TOGARAM2: variants seen among roughly 807,000 people sequenced by gnomAD.
TOGARAM2 encodes TOG array regulator of axonemal microtubules protein 2.
A neutral mutation model predicts 93.3 loss-of-function variants in TOGARAM2; 85 were observed. The observed-to-expected ratio is 0.91, with a 90% CI of 0.76 to 1.09. The LOEUF (loss-of-function observed/expected upper bound fraction) is 1.09, where lower values mean the gene tolerates loss of function less well. Ranked by LOEUF, TOGARAM2 falls within the 50% of genes least tolerant of loss-of-function variation. The probability of loss-of-function intolerance (pLI) is 0.00; values close to 1 mark genes in which losing one functional copy is unlikely to be tolerated. For missense variants in TOGARAM2, 1,277 were observed against 1,334.5 expected (o/e 0.96, Z 0.67); for synonymous variants, 593 against 552.8 (o/e 1.07, Z -1.02).
rs1023074141 is a variant in TOGARAM2, at chr2:29,035,799, G to T, written c.2418+143G>T. 1.1e-5 allele frequency: 9 copies of T among 789,996 alleles called. No individual in the cohort carries two copies. In the South Asian group the frequency reaches 3.2e-4, roughly 28 times the overall value. 48.9% of individuals were successfully genotyped at this position (789,996 alleles called of 1,614,324 possible). ...TTTGTAACATGGAGACTACCTGGAA[G>T]TGGCTGAGTGGGCAAGGGCACCGCC... is the stretch of plus-strand genomic sequence containing the variant. On this transcript the variant is annotated intron_variant, in intron 17 of 19. Transcript: ENST00000379558.
intron 18 of TOGARAM2, among the ~76,000 whole-genome samples, chr2:29,045,003 T>C (rs1666657824): frequency 6.6e-6 from 1 of 152,102 alleles, no homozygotes; most frequent in Non-Finnish European, 1.5e-5. Flanking sequence ...GTCATCTATC[T>C]ACCTACCTAC....
intron 14 of TOGARAM2, among the ~76,000 whole-genome samples, chr2:29,030,864 C>T (rs1294342807): frequency 6.6e-6 from 1 of 152,204 alleles, no homozygotes; most frequent in Non-Finnish European, 1.5e-5. Flanking sequence ...TTTCTAAAGC[C>T]TCCATGGGAC....
At chr2:29,043,043 A>T (rs1453919182) in intron 18 of TOGARAM2, among the ~76,000 whole-genome samples, 1 of 152,262 alleles carries the variant, frequency 6.6e-6, no homozygotes, top group African/African-American at 2.4e-5. Flanking sequence ...ACGGAGGAAG[A>T]AGTCCTTGTC....
chr2:28,977,567 G>T (rs578069294), upstream of TOGARAM2, among the ~76,000 whole-genome samples: 2 of 152,130 alleles, frequency 1.3e-5, no homozygotes, highest in African/African-American at 4.8e-5. Flanking sequence ...TTGCAGGGGC[G>T]GGGGCTTCTT....
At chr2:29,051,503 T>C in intron 19 of TOGARAM2, 1 of 344,608 alleles carries the variant, frequency 2.9e-6, no homozygotes, top group Non-Finnish European at 5.2e-6. Flanking sequence ...CCATAAAAAA[T>C]ATTTAAAAAT....
chr2:29,023,200 C>T lies in TOGARAM2; in HGVS notation c.1617+9C>T, dbSNP rs756775920. On this transcript the variant is annotated intron_variant, in intron 12 of 19. Transcript: ENST00000379558. ...TGGTGGTGACTGGGGAGGTGAGGCCCCCCAGCCTGTGTGCTGTGCATTTGG... is the reference window on the plus strand; with the variant it reads ...TGGTGGTGACTGGGGAGGTGAGGCCTCCCAGCCTGTGTGCTGTGCATTTGG... 1.9e-6 allele frequency: 3 copies of T among 1,570,708 alleles called. No homozygotes were observed. The African/African-American group carries it at 4.1e-5, about 21-fold the overall frequency.
intron 1 of TOGARAM2, among the ~76,000 whole-genome samples, chr2:28,984,977 G>C (rs926140837): frequency 6.6e-6 from 1 of 152,202 alleles, no homozygotes; most frequent in Non-Finnish European, 1.5e-5. Flanking sequence ...GCCTATAGGG[G>C]TATGGGCCCT....
chr2:29,036,848 TC>T lies in TOGARAM2; in HGVS notation c.2635+94del, dbSNP rs1051182673. On this transcript the variant is annotated intron_variant, in intron 18 of 19. Transcript: ENST00000379558. ...CAAGGTGGATAAGGCCTTGGTTGGT[TC>T]CCAGGCCAGATGTTTCACCAGAGGC... is the stretch of plus-strand genomic sequence containing the variant. 3.1e-6 allele frequency: 4 copies of T among 1,296,976 alleles called. No individual in the cohort carries two copies. The African/African-American group carries it at 5.9e-5, about 19-fold the overall frequency. 80.3% of individuals were successfully genotyped at this position (1,296,976 alleles called of 1,614,324 possible).
chr2:28,959,984 A>G (rs1192675205), intron 1 of TOGARAM2, among the ~76,000 whole-genome samples: 1 of 152,232 alleles, frequency 6.6e-6, no homozygotes, highest in Non-Finnish European at 1.5e-5. Flanking sequence ...AAACCTGGAC[A>G]GCATGTTCCT....
At chr2:29,033,247 C>G (rs374458325) in intron 15 of TOGARAM2, among the ~76,000 whole-genome samples, 196 bp downstream of exon 15, 1 of 152,194 alleles carries the variant, frequency 6.6e-6, no homozygotes, top group African/African-American at 2.4e-5. Flanking sequence ...TCACACTACC[C>G]ATGTTCCTTG....
intron 1 of TOGARAM2, among the ~76,000 whole-genome samples, chr2:28,987,446 C>T (rs996621219): frequency 6.6e-5 from 10 of 152,122 alleles, no homozygotes; most frequent in South Asian, 2.1e-4. Flanking sequence ...TCCACCACCA[C>T]GCCCAGCTAA....
At chr2:28,967,911 TG>T in intron 1 of TOGARAM2, among the ~76,000 whole-genome samples, 1 of 144,134 alleles carries the variant, frequency 6.9e-6, no homozygotes, top group Non-Finnish European at 1.5e-5. Context: ...CTCCCCCTCC[TG>T]GGTTCAAGCG....
chr2:29,014,762 T>C (rs1310948021), intron 8 of TOGARAM2, among the ~76,000 whole-genome samples: 1 of 143,774 alleles, frequency 7.0e-6, no homozygotes, highest in Non-Finnish European at 1.5e-5. Flanking sequence ...AGAGAAAGGA[T>C]GGGGGTCAGA....
chr2:29,018,217 G>T (rs187423744), intron 10 of TOGARAM2: 4 of 474,224 alleles, frequency 8.4e-6, no homozygotes, highest in Non-Finnish European at 3.7e-6. Context: ...ATGTCCGGAG[G>T]AGTGACCAGT....
chr2:28,988,991 T>A lies in TOGARAM2; in HGVS notation c.-110-5734T>A, dbSNP rs117665385. 5.6e-4 allele frequency among the ~76,000 whole-genome samples: 86 copies of A among 152,336 alleles called. No homozygotes were observed. In the East Asian group the frequency reaches 0.016, roughly 29 times the overall value. On this transcript the variant is annotated intron_variant, in intron 1 of 19. Transcript: ENST00000379558. ...TCTCCCCTTCTCTACCCATCTCTGC[T>A]CAATGCTGCTGCTCCCTGGGATGTT... is the stretch of plus-strand genomic sequence containing the variant.
At position 28,999,350 on chromosome 2, in the gene TOGARAM2, C is replaced by T. The variant is rs767861700; in HGVS notation, c.309C>T (p.Pro103=). 1.3e-5 allele frequency: 21 copies of T among 1,613,514 alleles called. No individual in the cohort carries two copies. Among genetic ancestry groups the T allele is most frequent in the Non-Finnish European group, 1.7e-5 (20 of 1,179,784 alleles). The change falls in exon 4 of 20, where the codon CCC becomes CCT. Residue 103 remains proline (P), a synonymous_variant. Transcript: ENST00000379558. The part of the protein sequence containing the change: ...NLRALSLGDQ[P]LVLLPSPESE... ...GGGCCTTGTCTTTGGGGGACCAGCCCCTGGTGCTCCTCCCTTCTCCGGAGT... is the reference window on the plus strand; with the variant it reads ...GGGCCTTGTCTTTGGGGGACCAGCCTCTGGTGCTCCTCCCTTCTCCGGAGT...
chr2:29,045,018 C>G (rs1558470783), intron 18 of TOGARAM2, among the ~76,000 whole-genome samples: 1 of 152,124 alleles, frequency 6.6e-6, no homozygotes, highest in Non-Finnish European at 1.5e-5. Context: ...ACCTACCTAC[C>G]TGTCTACTTT....
intron 8 of TOGARAM2, 129 bp downstream of exon 8, chr2:29,014,690 G>C (rs1279812575): frequency 8.1e-7 from 1 of 1,232,706 alleles, no homozygotes; most frequent in Non-Finnish European, 1.1e-6. Flanking sequence ...GCCCGAGGCA[G>C]CCACCCAAGT....
intron 15 of TOGARAM2, 132 bp downstream of exon 15, chr2:29,033,183 G>A: frequency 1.4e-6 from 1 of 732,588 alleles, no homozygotes; most frequent in Non-Finnish European, 2.3e-6. Flanking sequence ...CACTACTCCT[G>A]ATAGGTGAGA....
Sources: allele counts gnomAD v4.1 joint callset (sites outside exome capture counted in the v4.1 genomes callset), GRCh38; gene constraint gnomAD v4.1.1; transcripts MANE v1.5; gene names NCBI Gene and HGNC (gene_info 2026-07-23, HGNC 2026-07-21).